Variants in CCDC102B observed in about 807,000 individuals in gnomAD.
The protein encoded by CCDC102B is coiled-coil domain containing 102B, also known as coiled-coil domain-containing protein 102B.
In CCDC102B, 75 loss-of-function variants were observed where a neutral mutation model predicts 57.4. That is an observed-to-expected ratio of 1.31 (90% CI 1.08 to 1.58). The LOEUF (loss-of-function observed/expected upper bound fraction) is 1.58, where lower values mean the gene tolerates loss of function less well. Ranked by LOEUF, CCDC102B falls within the 40% of genes most tolerant of loss-of-function variation. The probability of loss-of-function intolerance (pLI) is 0.00; values close to 1 mark genes in which losing one functional copy is unlikely to be tolerated. For synonymous variants in CCDC102B, 206 were observed against 201.9 expected, an observed-to-expected ratio of 1.02 and a Z score of -0.17; for missense variants, 636 against 582.6, an observed-to-expected ratio of 1.09 and a Z score of -0.94.
At chr18:68,841,068 C>T (rs2037607370) in intron 3 of CCDC102B, among the ~76,000 whole-genome samples, 1 of 152,196 alleles carries the variant, frequency 6.6e-6, no homozygotes, top group South Asian at 2.1e-4. Flanking sequence ...CATTTGCATG[C>T]AATCCGCATG....
At chr18:68,838,220 C>A (rs1054028408) in intron 2 of CCDC102B, among the ~76,000 whole-genome samples, 2 of 152,116 alleles carry the variant, frequency 1.3e-5, no homozygotes, top group Admixed American at 6.6e-5. Flanking sequence ...AGATGTGACT[C>A]ATGAATTAAA....
chr18:68,921,683 C>T (rs575011000), intron 6 of CCDC102B, among the ~76,000 whole-genome samples: 1 of 152,100 alleles, frequency 6.6e-6, no homozygotes, highest in African/African-American at 2.4e-5. Flanking sequence ...GCTCTAAGAG[C>T]AGAGAAAGGC....
intron 7 of CCDC102B, among the ~76,000 whole-genome samples, chr18:69,025,812 A>G (rs1184575579): frequency 6.6e-6 from 1 of 152,230 alleles, no homozygotes; most frequent in Non-Finnish European, 1.5e-5. Flanking sequence ...TTAGAGCACA[A>G]CTAGAAATAA....
intron 7 of CCDC102B, 84 bp downstream of exon 7, chr18:69,011,188 A>T (rs1282670924): frequency 5.0e-6 from 6 of 1,207,646 alleles, no homozygotes; most frequent in Non-Finnish European, 6.9e-6. Flanking sequence ...CCTTATTAAC[A>T]TATGGCATTA....
intron 2 of CCDC102B, among the ~76,000 whole-genome samples, chr18:68,781,411 T>C (rs905789315): frequency 1.3e-5 from 2 of 152,116 alleles, no homozygotes; most frequent in Non-Finnish European, 2.9e-5. Context: ...TTTTATTAGA[T>C]TAGTTATTTT....
At chr18:68,761,214 C>T (rs2034243700) in intron 2 of CCDC102B, among the ~76,000 whole-genome samples, 1 of 152,052 alleles carries the variant, frequency 6.6e-6, no homozygotes, top group South Asian at 2.1e-4. Flanking sequence ...TGGCCTCCCA[C>T]AAGTTACGAT....
chr18:68,780,440 G>C (rs1366935465), intron 2 of CCDC102B, among the ~76,000 whole-genome samples: 1 of 148,996 alleles, frequency 6.7e-6, no homozygotes, highest in East Asian at 2.0e-4. Flanking sequence ...AATATGTAAG[G>C]ATTTCACCTC....
At chr18:68,873,040 G>A (rs2039297855) in intron 4 of CCDC102B, among the ~76,000 whole-genome samples, 1 of 152,116 alleles carries the variant, frequency 6.6e-6, no homozygotes, top group African/African-American at 2.4e-5. Flanking sequence ...GGGGCATTCA[G>A]TTACCGAAAT....
At chr18:68,740,741 A>C (rs529613397) in intron 2 of CCDC102B, among the ~76,000 whole-genome samples, 69 of 152,266 alleles carry the variant, frequency 4.5e-4, no homozygotes, top group African/African-American at 1.6e-3. Context: ...TTCATCCCTC[A>C]CACTAACCTA....
At chr18:69,053,174 G>A (rs1170614805) in intron 7 of CCDC102B, among the ~76,000 whole-genome samples, 1 of 151,674 alleles carries the variant, frequency 6.6e-6, no homozygotes, top group Non-Finnish European at 1.5e-5. Flanking sequence ...TAATAGAGAG[G>A]ACAAAGAGAC....
intron 2 of CCDC102B, among the ~76,000 whole-genome samples, chr18:68,791,799 A>G (rs1298133025): frequency 1.3e-5 from 2 of 152,166 alleles, no homozygotes; most frequent in Non-Finnish European, 1.5e-5. Context: ...AATGGAGTCA[A>G]CTTTGCCTAA....
intron 1 of CCDC102B, among the ~76,000 whole-genome samples, chr18:68,812,478 G>T (rs1047983158): frequency 6.6e-6 from 1 of 152,032 alleles, no homozygotes; most frequent in Non-Finnish European, 1.5e-5. Context: ...CTTTCATGTC[G>T]TGGTTCACTT....
chr18:68,820,725 T>C (rs956806463), intron 1 of CCDC102B, among the ~76,000 whole-genome samples: 7 of 152,212 alleles, frequency 4.6e-5, no homozygotes, highest in Admixed American at 3.9e-4. Flanking sequence ...AATAAATATT[T>C]ACTTAATGTC....
intron 5 of CCDC102B, among the ~76,000 whole-genome samples, chr18:68,894,985 T>C (rs115297537): frequency 2.9e-4 from 44 of 151,974 alleles, no homozygotes; most frequent in Admixed American, 2.8e-3. Context: ...TGACACAGCA[T>C]ATTTGTCCTT....
chr18:68,997,373 T>G lies in CCDC102B; in HGVS notation c.1264-13561T>G, dbSNP rs527369623. 1.1e-4 allele frequency among the ~76,000 whole-genome samples: 16 copies of G among 152,324 alleles called. 1 individual carries two copies. In the South Asian group the frequency reaches 3.3e-3, roughly 32 times the overall value. ...TATTGTATCTATTTCCTCATCTTAC[T>G]TGGATGAGTCTACATAGGTAAAGTG... is the stretch of plus-strand genomic sequence containing the variant. On this transcript the variant is annotated intron_variant, in intron 6 of 7. Coordinates refer to ENST00000360242, the MANE Select transcript of CCDC102B (RefSeq NM_024781.3).
At chr18:69,015,877 T>C (rs8089905) in intron 7 of CCDC102B, among the ~76,000 whole-genome samples, 149,710 of 152,028 alleles carry the variant, frequency 0.98, 73,775 homozygotes, top group South Asian at 1. Context: ...ATTTTTGAGA[T>C]GGAGTCTCCC....
intron 1 of CCDC102B, among the ~76,000 whole-genome samples, chr18:68,821,164 T>G (rs1459524338): frequency 6.6e-6 from 1 of 151,922 alleles, no homozygotes; most frequent in African/African-American, 2.4e-5. Context: ...TACACAAAAA[T>G]TTGGCACAAA....
chr18:68,770,346 T>C (rs1387131074), intron 2 of CCDC102B, among the ~76,000 whole-genome samples: 7 of 152,262 alleles, frequency 4.6e-5, no homozygotes, highest in Non-Finnish European at 1.0e-4. Context: ...AAAATTCCAG[T>C]GGCATACAAA....
intron 2 of CCDC102B, among the ~76,000 whole-genome samples, chr18:68,767,262 G>T (rs754406911): frequency 6.6e-6 from 1 of 152,180 alleles, no homozygotes; most frequent in Non-Finnish European, 1.5e-5. Flanking sequence ...CCCTTGGGAG[G>T]TAAGGCCTTT....
Sources: gnomAD v4.1 joint callset for allele counts (sites outside exome capture counted in the v4.1 genomes callset) on GRCh38, gnomAD v4.1.1 for gene constraint, MANE v1.5 for transcripts, NCBI Gene and HGNC (gene_info 2026-07-23, HGNC 2026-07-21) for gene names.